The following FMO2 variants were observed in gnomAD, a reference collection of about 807,000 sequenced individuals.
The protein encoded by FMO2 is flavin-containing monooxygenase 2.
A neutral mutation model predicts 41.6 loss-of-function variants in FMO2; 33 were observed. The observed-to-expected ratio is 0.79, with a 90% confidence interval of 0.60 to 1.06. FMO2 has a LOEUF of 1.06. FMO2 is among the 50% of genes least tolerant of loss of function. The pLI is 0.00. For synonymous variants in FMO2, 214 were observed against 219.6 expected, an observed-to-expected ratio of 0.97 and a Z score of 0.23; for missense variants, 619 against 632.9, an observed-to-expected ratio of 0.98 and a Z score of 0.23.
chr1:171,195,724 T>C (rs1043598588), intron 3 of FMO2, among the ~76,000 whole-genome samples: 5 of 152,224 alleles, frequency 3.3e-5, no homozygotes, highest in African/African-American at 1.2e-4. Flanking sequence ...CTTGACATCG[T>C]TTCTTAATCC....
At chr1:171,195,823 T>C (rs1658285658) in intron 3 of FMO2, among the ~76,000 whole-genome samples, 1 of 152,240 alleles carries the variant, frequency 6.6e-6, no homozygotes. Flanking sequence ...CAATAAATCA[T>C]TTTATTCAAA....
In FMO2 at chr1:171,205,361, A is replaced by G. The variant is rs757251204; in HGVS notation, c.910A>G (p.Lys304Glu). 6 of 1,613,844 alleles carry G rather than the reference A, an allele frequency of 3.7e-6. No individual in the cohort carries two copies. In the East Asian group the frequency reaches 1.3e-4, roughly 36 times the overall value. Residue 304 changes from lysine to glutamate, a missense_variant, in exon 7 of 9, where the codon AAA (lysine) becomes GAA (glutamate). Physicochemically the swap from Lys to Glu is moderately conservative, Grantham distance 56. Transcript: ENST00000209929. ...AGCCATCAAGGTGAAATCTACAGTG[A>G]AAGAGCTCACAGAAACTTCTGCCAT... ...CGAIKVKSTVKELTETSAIFE... is the reference protein window; with the variant it reads ...CGAIKVKSTVEELTETSAIFE...
Position 171,205,342 on chromosome 1 carries a change from C to A in FMO2, c.891C>A (p.Ile297=), listed in dbSNP as rs1658712133. Residue 297 remains isoleucine (I), a synonymous_variant, in exon 7 of 9, where the codon ATC becomes ATA. Transcript: ENST00000209929. The part of the protein sequence containing the change: ...DVPSRLLCGA[I]KVKSTVKELT... Reference sequence around the variant, plus strand: ...CAAGTCGTCTACTCTGTGGAGCCATCAAGGTGAAATCTACAGTGAAAGAGC... The same window carrying A: ...CAAGTCGTCTACTCTGTGGAGCCATAAAGGTGAAATCTACAGTGAAAGAGC... The A allele has an allele frequency of 3.7e-6, 6 of 1,613,798 alleles. No individual in the cohort carries two copies. Among genetic ancestry groups the A allele is most frequent in the Non-Finnish European group, 5.1e-6 (6 of 1,179,832 alleles).
At chr1:171,207,871 C>G in intron 8 of FMO2, 81 bp downstream of exon 8, 1 of 911,040 alleles carries the variant, frequency 1.1e-6, no homozygotes, top group Non-Finnish European at 1.8e-6. Flanking sequence ...AACCACCTAG[C>G]TGCCTGATAA....
Position 171,212,145 on chromosome 1 carries a change from C to G in FMO2, c.*3000C>G, listed in dbSNP as rs149856349. On this transcript the variant is annotated 3_prime_UTR_variant, in exon 9 of 9. Coordinates refer to ENST00000209929, the MANE Select transcript of FMO2 (RefSeq NM_001460.5). ...CCCAAAGTTATGTGTTTGAAACTTG[C>G]AATAGTATTGGGAGATGGGGCCTAA... Among the ~76,000 whole-genome samples, 82 of 152,242 alleles carry G rather than the reference C, an allele frequency of 5.4e-4. No individual in the cohort carries two copies. The highest frequency in any genetic ancestry group is 1.7e-3 in the African/African-American group (71 of 41,548).
At chr1:171,201,435 C>G (rs2205724) in intron 5 of FMO2, among the ~76,000 whole-genome samples, 60,501 of 151,976 alleles carry the variant, frequency 0.4, 12,833 homozygotes, top group East Asian at 0.55. Context: ...GAGTAATATA[C>G]TCTCAAGCCT....
intron 5 of FMO2, among the ~76,000 whole-genome samples, chr1:171,201,630 C>G (rs773253191): frequency 1.3e-5 from 2 of 152,180 alleles, no homozygotes; most frequent in Non-Finnish European, 2.9e-5. Flanking sequence ...AAGCACCACT[C>G]AAGATCATAT....
At position 171,185,806 on chromosome 1, in the gene FMO2, T is replaced by G; in HGVS notation, c.93T>G (p.Phe31Leu). Reference sequence around the variant, plus strand: ...ATGAGGGACTTGAGCCCACTTGCTTTGAGAGAACTGAAGATATTGGAGGAG... The same window carrying G: ...ATGAGGGACTTGAGCCCACTTGCTTGGAGAGAACTGAAGATATTGGAGGAG... The part of the protein sequence containing the change: ...CVDEGLEPTC[F>L]ERTEDIGGVW... Residue 31 changes from phenylalanine to leucine, a missense_variant, in exon 2 of 9, where the codon TTT (phenylalanine) becomes TTG (leucine). Transcript: ENST00000209929. The G allele has an allele frequency of 6.2e-7, 1 of 1,613,864 alleles. No individual in the cohort carries two copies. The highest frequency in any genetic ancestry group is 8.5e-7 in the Non-Finnish European group (1 of 1,179,830).
chr1:171,212,212 A>G lies in FMO2; in HGVS notation c.*3067A>G, dbSNP rs549517244. On this transcript the variant is annotated 3_prime_UTR_variant, in exon 9 of 9. Coordinates refer to ENST00000209929, the MANE Select transcript of FMO2 (RefSeq NM_001460.5). ...AGTCTCTGCCCTCATGAAAAGATTAATCCCATTATCTCAGGAGTGTGTTGG... is the reference window on the plus strand; with the variant it reads ...AGTCTCTGCCCTCATGAAAAGATTAGTCCCATTATCTCAGGAGTGTGTTGG... 6.6e-6 allele frequency among the ~76,000 whole-genome samples: 1 copy of G among 152,304 alleles called. No individual in the cohort carries two copies. Among genetic ancestry groups the G allele is most frequent in the South Asian group, 2.1e-4 (1 of 4,822 alleles).
At chr1:171,202,362 C>A (rs983683722) in intron 5 of FMO2, among the ~76,000 whole-genome samples, 5 of 152,224 alleles carry the variant, frequency 3.3e-5, no homozygotes, top group Non-Finnish European at 5.9e-5. Flanking sequence ...TAGGTATATA[C>A]CACACACAGA....
chr1:171,189,240 TATTTGG>T (rs1657976474), intron 2 of FMO2, among the ~76,000 whole-genome samples: 1 of 152,194 alleles, frequency 6.6e-6, no homozygotes, highest in Admixed American at 6.5e-5. Context: ...TTTCTTTTAA[TATTTGG>T]ATTTGGATCT....
intron 2 of FMO2, among the ~76,000 whole-genome samples, chr1:171,189,393 T>G (rs1328343056): frequency 1.3e-5 from 2 of 152,080 alleles, no homozygotes; most frequent in African/African-American, 4.8e-5. Flanking sequence ...TCCCCCAAGA[T>G]CCAACATTCC....
intron 4 of FMO2, among the ~76,000 whole-genome samples, chr1:171,198,409 GA>G (rs1353257971): frequency 1.4e-5 from 2 of 140,834 alleles, no homozygotes; most frequent in Non-Finnish European, 3.0e-5. Context: ...TCTGATAAGT[GA>G]TTTTTTTTTT....
intron 1 of FMO2, 46 bp from the exon 2 acceptor site, chr1:171,185,662 C>G (rs1657810258): frequency 7.5e-6 from 12 of 1,602,256 alleles, no homozygotes; most frequent in Non-Finnish European, 9.4e-6. Flanking sequence ...GATTCTCTTA[C>G]CGGTTGTCCC....
In FMO2 at chr1:171,199,363, G is replaced by A. The variant is rs1658435384; in HGVS notation, c.502G>A (p.Gly168Ser). 5.0e-6 allele frequency: 8 copies of A among 1,608,936 alleles called. No individual in the cohort carries two copies. Among genetic ancestry groups the A allele is most frequent in the African/African-American group, 1.3e-5 (1 of 74,758 alleles). The change falls in exon 5 of 9, where the codon GGC becomes AGC. Residue 168 changes from glycine to serine, a missense_variant. By Grantham distance (56) the Gly-to-Ser change is moderately conservative. Transcript: ENST00000209929. ...CCCTGAAGGTATGGAGAGGTTCAAAGGCCAATATTTCCATAGCCGCCAATA... is the reference window on the plus strand; with the variant it reads ...CCCTGAAGGTATGGAGAGGTTCAAAAGCCAATATTTCCATAGCCGCCAATA... ...KSFPGMERFKGQYFHSRQYKH... is the reference protein window; with the variant it reads ...KSFPGMERFKSQYFHSRQYKH...
Position 171,185,830 on chromosome 1 carries a change from A to G in FMO2, c.117A>G (p.Gly39=). The G allele has an allele frequency of 1.2e-6, 2 of 1,613,696 alleles. No individual in the cohort carries two copies. Among genetic ancestry groups the G allele is most frequent in the Non-Finnish European group, 1.7e-6 (2 of 1,179,714 alleles). ...TCFERTEDIG[G]VWRFKENVED... Reference sequence around the variant, plus strand: ...TTGAGAGAACTGAAGATATTGGAGGAGTGTGGAGGTTCAAAGTAAGTGAGA... The same window carrying G: ...TTGAGAGAACTGAAGATATTGGAGGGGTGTGGAGGTTCAAAGTAAGTGAGA... The change falls in exon 2 of 9, where the codon GGA becomes GGG. Residue 39 remains glycine, a synonymous_variant. Transcript: ENST00000209929.
At chr1:171,203,169 C>T (rs982287551) in intron 5 of FMO2, among the ~76,000 whole-genome samples, 2 of 151,830 alleles carry the variant, frequency 1.3e-5, no homozygotes, top group African/African-American at 2.4e-5. Flanking sequence ...ATAATGAGAC[C>T]GTCTCTACAA....
rs28369912 is a variant in FMO2, at chr1:171,208,800, A to G, written c.1263A>G (p.Gly421=). The G allele has an allele frequency of 1.6e-4, 253 of 1,613,768 alleles. 5 individuals are homozygous for G. In the Admixed American group the frequency reaches 4.1e-3, roughly 26 times the overall value. ...KRNEKRIDLF[G]ESQSQTLQTN... ...TTTTACTTTCTTCACTAAGGTTTGG[A>G]GAAAGCCAGAGCCAGACGTTGCAGA... The change falls in exon 9 of 9, where the codon GGA becomes GGG. Residue 421 remains glycine (G), a synonymous_variant. Coordinates refer to ENST00000209929, the MANE Select transcript of FMO2 (RefSeq NM_001460.5).
Position 171,200,602 on chromosome 1 carries a change from G to A in FMO2, c.627+1114G>A, listed in dbSNP as rs536476108. Among the ~76,000 whole-genome samples the A allele has an allele frequency of 7.0e-4, 106 of 152,266 alleles. 2 individuals are homozygous for A. The South Asian group carries it at 7.7e-3, about 11-fold the overall frequency. On this transcript the variant is annotated intron_variant, in intron 5 of 8. Coordinates refer to ENST00000209929, the MANE Select transcript of FMO2 (RefSeq NM_001460.5). ...AAGCAAACATGACACCCGCCCAGCA[G>A]GTTAATGAAGGGGTTATACTGGGAC...
Sources: allele counts gnomAD v4.1 joint callset (sites outside exome capture counted in the v4.1 genomes callset), GRCh38; gene constraint gnomAD v4.1.1; transcripts MANE v1.5; gene names NCBI Gene and HGNC (gene_info 2026-07-23, HGNC 2026-07-21).